The following PLCB1 variants were observed in gnomAD, a reference collection of about 807,000 sequenced individuals.
The protein encoded by PLCB1 is 1-phosphatidylinositol 4,5-bisphosphate phosphodiesterase beta-1.
PLCB1 carries 46 observed loss-of-function variants against 161.8 expected under a neutral mutation model. That is an observed-to-expected ratio of 0.28 (90% CI 0.22 to 0.36). PLCB1 has a LOEUF of 0.36. Ranked by LOEUF, PLCB1 falls within the 10% of genes least tolerant of loss-of-function variation. PLCB1 has a pLI of 1.00. For synonymous variants in PLCB1, 517 were observed against 503.7 expected (o/e 1.03, Z -0.35); for missense variants, 1,016 against 1,472.5 (o/e 0.69, Z 5.07).
Position 8,530,840 on chromosome 20 carries a change from T to C in PLCB1, c.247-97454T>C, listed in dbSNP as rs562722023. ...TGAAACTAAGTTCAGGCTGTTTTTT[T>C]CCCCAGATTCCAGTTGTAACAATAG... On this transcript the variant is annotated intron_variant, in intron 3 of 31. Transcript: ENST00000338037. Among the ~76,000 whole-genome samples the C allele has an allele frequency of 2.6e-5, 4 of 152,236 alleles. No homozygotes were observed. In the South Asian group the frequency reaches 6.2e-4, roughly 24 times the overall value.
chr20:8,423,538 C>A (rs1888417313), intron 3 of PLCB1, among the ~76,000 whole-genome samples: 1 of 152,068 alleles, frequency 6.6e-6, no homozygotes, highest in African/African-American at 2.4e-5. Context: ...GTAGCATGTC[C>A]CAGGATCTGA....
rs1299422918 is a variant in PLCB1 at position 8,415,608 on chromosome 20, G to A, written c.246+44158G>A. ...GAGTGGGCCACTGATACGAACAACT[G>A]GGGTTCAACCCCTCTTGGGGCCATC... On this transcript the variant is annotated intron_variant, in intron 3 of 31. Transcript: ENST00000338037. Among the ~76,000 whole-genome samples, 4 of 152,278 alleles carry A rather than the reference G, an allele frequency of 2.6e-5. No individual in the cohort carries two copies. The East Asian group carries it at 7.7e-4, about 29-fold the overall frequency.
chr20:8,648,885 A>G (rs1157023172), intron 6 of PLCB1, among the ~76,000 whole-genome samples: 1 of 151,820 alleles, frequency 6.6e-6, no homozygotes, highest in East Asian at 1.9e-4. Flanking sequence ...AGACTGCAGT[A>G]AGCTGGGATC....
chr20:8,623,722 C>A (rs1310702005), intron 3 of PLCB1, among the ~76,000 whole-genome samples: 1 of 152,130 alleles, frequency 6.6e-6, no homozygotes, highest in African/African-American at 2.4e-5. Flanking sequence ...CAAGTAACAT[C>A]CTCCGAGTCT....
chr20:8,631,057 TC>T (rs1397546365), intron 4 of PLCB1, among the ~76,000 whole-genome samples: 1 of 152,282 alleles, frequency 6.6e-6, no homozygotes, highest in East Asian at 1.9e-4. Flanking sequence ...TAGAGTATTT[TC>T]CCCCACACTG....
At chr20:8,397,779 G>T (rs1308261400) in intron 3 of PLCB1, among the ~76,000 whole-genome samples, 1 of 151,944 alleles carries the variant, frequency 6.6e-6, no homozygotes, top group Non-Finnish European at 1.5e-5. Context: ...TCTTCATATG[G>T]GTCATGGGAA....
In PLCB1 at chr20:8,882,794, G is replaced by T. The variant is rs1235071886; in HGVS notation, c.*945G>T. On this transcript the variant is annotated 3_prime_UTR_variant, in exon 32 of 32. Transcript: ENST00000338037. ...CATTTATTTTTAATATAGAGAGGAA[G>T]ATTGAATATTTATCTAGAGAATACA... The T allele has an allele frequency of 6.6e-6, 1 of 152,264 alleles. No individual in the cohort carries two copies. Among genetic ancestry groups the T allele is most frequent in the Non-Finnish European group, 1.5e-5 (1 of 68,024 alleles). The allele number at this position is 152,264 out of a possible 1,614,324, so 9.4% of individuals were successfully genotyped here.
At chr20:8,419,728 C>A (rs917231155) in intron 3 of PLCB1, among the ~76,000 whole-genome samples, 4 of 152,000 alleles carry the variant, frequency 2.6e-5, no homozygotes, top group Admixed American at 2.0e-4. Context: ...GGAACATAGC[C>A]CCAACATAAG....
chr20:8,702,649 A>T (rs1978433192), intron 11 of PLCB1, among the ~76,000 whole-genome samples: 1 of 152,188 alleles, frequency 6.6e-6, no homozygotes, highest in African/African-American at 2.4e-5. Context: ...TAGTAATTGA[A>T]CCATATGGCT....
intron 3 of PLCB1, among the ~76,000 whole-genome samples, chr20:8,615,934 C>A (rs911034136): frequency 1.3e-5 from 2 of 152,076 alleles, no homozygotes; most frequent in South Asian, 4.1e-4. Flanking sequence ...TAATCATACC[C>A]TGTACTCCTC....
chr20:8,534,406 A>G (rs945980458), intron 3 of PLCB1, among the ~76,000 whole-genome samples: 9 of 152,196 alleles, frequency 5.9e-5, no homozygotes, highest in Non-Finnish European at 1.2e-4. Context: ...TACTATGTCA[A>G]TTCCTCCAGC....
chr20:8,214,614 AT>A (rs1277060107), intron 2 of PLCB1, among the ~76,000 whole-genome samples: 2 of 151,204 alleles, frequency 1.3e-5, no homozygotes, highest in African/African-American at 2.4e-5. Context: ...GTCTTCATTC[AT>A]TAAAAGGCTA....
chr20:8,731,227 C>T (rs191116377), intron 18 of PLCB1, among the ~76,000 whole-genome samples: 7 of 151,842 alleles, frequency 4.6e-5, no homozygotes, highest in Non-Finnish European at 2.9e-5. Flanking sequence ...AATAGCTGTA[C>T]AAACGTTTGC....
chr20:8,496,342 A>AT (rs1179428456), intron 3 of PLCB1, among the ~76,000 whole-genome samples: 1 of 150,436 alleles, frequency 6.6e-6, no homozygotes. Context: ...AAAAAAAAAA[A>AT]AAAAAAATAC....
At chr20:8,505,014 A>G (rs951871872) in intron 3 of PLCB1, among the ~76,000 whole-genome samples, 2 of 152,076 alleles carry the variant, frequency 1.3e-5, no homozygotes, top group African/African-American at 4.8e-5. Flanking sequence ...CTACATCACC[A>G]AGCCGGGCTA....
At chr20:8,307,698 A>C (rs957763377) in intron 2 of PLCB1, among the ~76,000 whole-genome samples, 2 of 152,146 alleles carry the variant, frequency 1.3e-5, no homozygotes, top group Non-Finnish European at 2.9e-5. Context: ...AGGTGGGTGG[A>C]TCACCTGAGG....
intron 3 of PLCB1, among the ~76,000 whole-genome samples, chr20:8,386,911 C>T (rs1987440278): frequency 6.6e-6 from 1 of 152,208 alleles, no homozygotes; most frequent in Non-Finnish European, 1.5e-5. Flanking sequence ...CCAACCACTG[C>T]TAGCTTCATA....
intron 11 of PLCB1, among the ~76,000 whole-genome samples, chr20:8,708,105 G>A (rs2123450704): frequency 1.3e-5 from 2 of 152,164 alleles, no homozygotes; most frequent in South Asian, 4.2e-4. Context: ...CTTATATTGG[G>A]ATGGTGCTCG....
chr20:8,259,594 T>A (rs1600268894), intron 2 of PLCB1, among the ~76,000 whole-genome samples: 1 of 151,980 alleles, frequency 6.6e-6, no homozygotes, highest in Admixed American at 6.6e-5. Context: ...CCAGTCTGGG[T>A]AACAGGATGA....
Sources: gnomAD v4.1 joint callset for allele counts (sites outside exome capture counted in the v4.1 genomes callset) on GRCh38, gnomAD v4.1.1 for gene constraint, MANE v1.5 for transcripts, NCBI Gene and HGNC (gene_info 2026-07-23, HGNC 2026-07-21) for gene names.